Variants in SPMIP3 observed in about 807,000 individuals in gnomAD.
The protein encoded by SPMIP3 is protein SPMIP3.
chr1:244,354,649 C>T, the SPMIP3 span, among the ~76,000 whole-genome samples: 4 of 152,224 alleles, frequency 2.6e-5, no homozygotes, highest in Admixed American at 6.5e-5. Context: ...GCATAAGCCA[C>T]CATGGCTGGC....
the SPMIP3 span, among the ~76,000 whole-genome samples, chr1:244,361,209 C>T: frequency 1.4e-5 from 2 of 145,374 alleles, no homozygotes; most frequent in Admixed American, 7.2e-5. Context: ...TATAATTTAT[C>T]GTACATTTCT....
chr1:244,364,440 A>AT, the SPMIP3 span, among the ~76,000 whole-genome samples: 4 of 150,798 alleles, frequency 2.7e-5, no homozygotes, highest in East Asian at 2.0e-4. Context: ...TACTTATTTA[A>AT]TTTTTTTTTA....
chr1:244,363,502 CAT>C, the SPMIP3 span, among the ~76,000 whole-genome samples: 1 of 152,022 alleles, frequency 6.6e-6, no homozygotes, highest in East Asian at 1.9e-4. Context: ...AGGGGGCTAA[CAT>C]AGAGAATGAA....
the SPMIP3 span, among the ~76,000 whole-genome samples, chr1:244,363,347 G>A: frequency 6.6e-6 from 1 of 152,140 alleles, no homozygotes; most frequent in South Asian, 2.1e-4. Context: ...GGTGGAGGTG[G>A]CAGTGAGCCA....
the SPMIP3 span, among the ~76,000 whole-genome samples, chr1:244,372,806 G>A: frequency 6.0e-4 from 91 of 152,170 alleles, no homozygotes; most frequent in Non-Finnish European, 5.7e-4. Flanking sequence ...GACCCCACAT[G>A]TCCAGGCATC....
At chr1:244,360,898 C>G in the SPMIP3 span, among the ~76,000 whole-genome samples, 4 of 119,016 alleles carry the variant, frequency 3.4e-5, no homozygotes, top group Admixed American at 8.6e-5. Flanking sequence ...AAAAAAAAAG[C>G]ATTAAATCCT....
chr1:244,367,191 T>C, the SPMIP3 span, among the ~76,000 whole-genome samples: 9 of 152,048 alleles, frequency 5.9e-5, no homozygotes, highest in Non-Finnish European at 1.2e-4. Context: ...GTTGGGACGG[T>C]AGAGGCAGGA....
chr1:244,378,498 A>T, the SPMIP3 span: 22 of 1,613,730 alleles, frequency 1.4e-5, no homozygotes, highest in Admixed American at 3.7e-4. Context: ...TCCACCCAAG[A>T]CAAAATATCA....
At chr1:244,353,971 A>G in the SPMIP3 span, among the ~76,000 whole-genome samples, 1 of 152,280 alleles carries the variant, frequency 6.6e-6, no homozygotes, top group East Asian at 1.9e-4. Context: ...CCTTCTCTGC[A>G]TCCTCAGATC....
At chr1:244,369,888 A>T in the SPMIP3 span, among the ~76,000 whole-genome samples, 3 of 152,060 alleles carry the variant, frequency 2.0e-5, no homozygotes, top group African/African-American at 4.8e-5. Context: ...TTTTGTTTGT[A>T]CTATACACGT....
the SPMIP3 span, among the ~76,000 whole-genome samples, chr1:244,375,970 AG>A: frequency 1.3e-5 from 2 of 152,118 alleles, no homozygotes; most frequent in Non-Finnish European, 2.9e-5. Context: ...CCCAGCCCAT[AG>A]GCACTTTGAC....
At chr1:244,386,273 TTC>T in the SPMIP3 span, among the ~76,000 whole-genome samples, 2 of 152,176 alleles carry the variant, frequency 1.3e-5, no homozygotes, top group African/African-American at 2.4e-5. Flanking sequence ...TGGTTAAAGT[TTC>T]TCTGTGGTTA....
At chr1:244,359,303 C>T in the SPMIP3 span, among the ~76,000 whole-genome samples, 3 of 152,128 alleles carry the variant, frequency 2.0e-5, no homozygotes, top group Admixed American at 6.6e-5. Context: ...GCTTGCATCG[C>T]GTGGCAACCA....
chr1:244,380,309 G>A, the SPMIP3 span, among the ~76,000 whole-genome samples: 5 of 151,774 alleles, frequency 3.3e-5, no homozygotes, highest in South Asian at 4.2e-4. Context: ...TAGTATAGAC[G>A]GAGTCTCACC....
chr1:244,381,649 G>A, the SPMIP3 span, among the ~76,000 whole-genome samples: 1 of 152,332 alleles, frequency 6.6e-6, no homozygotes, highest in African/African-American at 2.4e-5. Flanking sequence ...TGAAAGATGA[G>A]GCCTGGCACA....
At chr1:244,368,493 G>C in the SPMIP3 span, among the ~76,000 whole-genome samples, 1 of 152,228 alleles carries the variant, frequency 6.6e-6, no homozygotes, top group South Asian at 2.1e-4. Flanking sequence ...GTCTGTGCTT[G>C]TGGTCACTGC....
chr1:244,374,051 T>C, the SPMIP3 span, among the ~76,000 whole-genome samples: 1 of 152,106 alleles, frequency 6.6e-6, no homozygotes, highest in Non-Finnish European at 1.5e-5. Context: ...AGGCGGAGGT[T>C]GCAGTGAGCT....
At chr1:244,386,593 A>G in the SPMIP3 span, among the ~76,000 whole-genome samples, 40 of 152,284 alleles carry the variant, frequency 2.6e-4, 1 homozygote, top group South Asian at 7.7e-3. Context: ...ACTTTAATAC[A>G]TTTCCAGAAT....
the SPMIP3 span, among the ~76,000 whole-genome samples, chr1:244,381,341 C>T: frequency 6.6e-6 from 1 of 152,162 alleles, no homozygotes; most frequent in African/African-American, 2.4e-5. Flanking sequence ...CCTCCAGTTT[C>T]CAAAGTGACC....
Sources: gnomAD v4.1 joint callset for allele counts (sites outside exome capture counted in the v4.1 genomes callset) on GRCh38, gnomAD v4.1.1 for gene constraint, MANE v1.5 for transcripts, NCBI Gene and HGNC (gene_info 2026-07-23, HGNC 2026-07-21) for gene names.